Variants in CEP350 observed in about 807,000 individuals in gnomAD.
The protein encoded by CEP350 is centrosomal protein 350, also known as centrosome-associated protein 350.
Under a neutral mutation model 331.8 loss-of-function variants are expected in CEP350, and 126 were observed. That is an observed-to-expected ratio of 0.38 (90% CI 0.33 to 0.44). The LOEUF (loss-of-function observed/expected upper bound fraction) is 0.44. Ranked by LOEUF, CEP350 falls within the 20% of genes least tolerant of loss-of-function variation. CEP350 has a pLI of 1.00. For synonymous variants in CEP350, 1,200 were observed against 1,259.5 expected (o/e 0.95, Z 1.00); for missense variants, 3,406 against 3,634.6 (o/e 0.94, Z 1.62).
chr1:180,084,699 CA>C (rs1659758126), intron 31 of CEP350, among the ~76,000 whole-genome samples: 1 of 152,000 alleles, frequency 6.6e-6, no homozygotes. Flanking sequence ...ATTAAAATAA[CA>C]AGTATTAAAT....
intron 5 of CEP350, among the ~76,000 whole-genome samples, chr1:179,994,381 C>T (rs987103868): frequency 1.3e-5 from 2 of 151,656 alleles, no homozygotes; most frequent in South Asian, 4.2e-4. Context: ...CATTTAGCCT[C>T]GGTCTCTGAT....
chr1:179,968,778 T>C (rs1651208751), intron 1 of CEP350: 1 of 663,296 alleles, frequency 1.5e-6, no homozygotes, highest in Non-Finnish European at 2.8e-6. Context: ...GGAAAAGTAA[T>C]GGCATCTACA....
chr1:179,981,713 A>G (rs1430273717), intron 1 of CEP350, among the ~76,000 whole-genome samples: 5 of 152,196 alleles, frequency 3.3e-5, no homozygotes, highest in African/African-American at 9.6e-5. Flanking sequence ...TAAAACTATA[A>G]TTATAGGCTG....
In CEP350 at chr1:180,022,867, A is replaced by G. The variant is rs1269811397; in HGVS notation, c.3386+19A>G. ...AACCTCAGTAAGATATATTGGCAAT[A>G]TGGAATAAACTCTGAAGAGTGAGAA... On this transcript the variant is annotated intron_variant, in intron 13 of 37. Coordinates refer to ENST00000367607, the MANE Select transcript of CEP350 (RefSeq NM_014810.5). 1.9e-6 allele frequency: 3 copies of G among 1,562,224 alleles called. No individual in the cohort carries two copies. The South Asian group carries it at 3.5e-5, about 18-fold the overall frequency.
intron 32 of CEP350, among the ~76,000 whole-genome samples, chr1:180,090,180 G>A (rs1005641740): frequency 6.6e-6 from 1 of 152,170 alleles, no homozygotes; most frequent in African/African-American, 2.4e-5. Flanking sequence ...TAAAGTTCAT[G>A]CCTGTTGGCC....
chr1:179,995,688 C>T (rs1653412547), intron 5 of CEP350, among the ~76,000 whole-genome samples: 1 of 152,082 alleles, frequency 6.6e-6, no homozygotes, highest in African/African-American at 2.4e-5. Flanking sequence ...AAGATTTTTG[C>T]TAGTGTTTCT....
intron 8 of CEP350, among the ~76,000 whole-genome samples, chr1:180,010,836 C>T (rs1654604139): frequency 6.6e-6 from 1 of 152,078 alleles, no homozygotes; most frequent in African/African-American, 2.4e-5. Context: ...ATTCAAACTC[C>T]TGACCCCAAG....
chr1:179,990,150 C>T (rs1652945434), intron 3 of CEP350, among the ~76,000 whole-genome samples: 1 of 151,682 alleles, frequency 6.6e-6, no homozygotes, highest in Non-Finnish European at 1.5e-5. Context: ...CACGCCACTG[C>T]ACTCCAGCCT....
intron 21 of CEP350, among the ~76,000 whole-genome samples, chr1:180,044,757 A>G (rs1484119085): frequency 6.6e-6 from 1 of 151,570 alleles, no homozygotes; most frequent in African/African-American, 2.4e-5. Flanking sequence ...CAGCACACCA[A>G]CATGGCACAT....
chr1:179,979,086 G>T (rs1232376078), intron 1 of CEP350, among the ~76,000 whole-genome samples: 2 of 152,144 alleles, frequency 1.3e-5, no homozygotes, highest in Non-Finnish European at 1.5e-5. Flanking sequence ...TAAATATGCA[G>T]TAGTGGGATT....
chr1:180,014,757 C>CT (rs771950884), intron 10 of CEP350, among the ~76,000 whole-genome samples: 4 of 152,144 alleles, frequency 2.6e-5, no homozygotes, highest in Non-Finnish European at 5.9e-5. Context: ...AGTTACATCC[C>CT]TGCATAGTTT....
chr1:179,992,165 G>A lies in CEP350; in HGVS notation c.339G>A (p.Glu113=). 2 of 1,526,662 alleles carry A rather than the reference G, an allele frequency of 1.3e-6. No individual in the cohort carries two copies. Among genetic ancestry groups the A allele is most frequent in the Non-Finnish European group, 1.8e-6 (2 of 1,142,444 alleles). The allele number at this position is 1,526,662 out of a possible 1,614,324, so 94.6% of individuals were successfully genotyped here. ...GTCCTCTCAGGGCCACCACCCTGGA[G>A]AGTAATGTGAAGAAAAATAATCGTG... ...SRSPLRATTL[E]SNVKKNNRVE... Residue 113 remains glutamate (E), a synonymous_variant, in exon 5 of 38, where the codon GAG becomes GAA. Coordinates refer to ENST00000367607, the MANE Select transcript of CEP350 (RefSeq NM_014810.5).
intron 1 of CEP350, among the ~76,000 whole-genome samples, chr1:179,985,742 G>A (rs1384616874): frequency 7.4e-6 from 1 of 134,590 alleles, no homozygotes; most frequent in Non-Finnish European, 1.7e-5. Context: ...TTATTATCAT[G>A]AGAACAGCAT....
At position 180,093,727 on chromosome 1, in the gene CEP350, C is replaced by T. The variant is rs769226056; in HGVS notation, c.7622C>T (p.Thr2541Ile). 11 of 1,613,750 alleles carry T rather than the reference C, an allele frequency of 6.8e-6. No homozygotes were observed. The highest frequency in any genetic ancestry group is 4.4e-5 in the South Asian group (4 of 91,074). Residue 2541 changes from threonine (T) to isoleucine (I), a missense_variant, in exon 34 of 38, where the codon ACA (threonine) becomes ATA (isoleucine). By Grantham distance (89) the Thr-to-Ile change is moderately conservative. Around this residue, in one of 5 missense-constraint regions of CEP350, gnomAD observed 1,415 missense variants for 1,512.3 expected, o/e 0.94. Transcript: ENST00000367607. ...AAACCTGAAGGAAATAACAATGGAA[C>T]ATATGATGGTATTGCATATTTTGAG... ...LDKPEGNNNG[T>I]YDGIAYFECK...
chr1:180,047,589 T>C (rs542720608), intron 21 of CEP350, among the ~76,000 whole-genome samples: 25 of 151,168 alleles, frequency 1.7e-4, no homozygotes, highest in African/African-American at 6.1e-4. Flanking sequence ...AAGCCCCATC[T>C]CTACTAAAAA....
At chr1:179,968,029 A>G (rs1414712459) in intron 1 of CEP350, among the ~76,000 whole-genome samples, 1 of 152,172 alleles carries the variant, frequency 6.6e-6, no homozygotes, top group East Asian at 1.9e-4. Flanking sequence ...TGCGTGAACT[A>G]GGGATATAAA....
intron 1 of CEP350, among the ~76,000 whole-genome samples, chr1:179,955,727 T>C (rs1460575362): frequency 1.3e-5 from 2 of 152,278 alleles, no homozygotes; most frequent in Admixed American, 1.3e-4. Flanking sequence ...TTAGCTAATG[T>C]CACAAGATAT....
intron 8 of CEP350, among the ~76,000 whole-genome samples, chr1:180,008,704 G>T (rs549455124): frequency 1.3e-5 from 2 of 152,278 alleles, no homozygotes; most frequent in South Asian, 4.1e-4. Flanking sequence ...GATGCATCTA[G>T]CCCCTGCCTT....
intron 17 of CEP350, 148 bp from the exon 18 acceptor site, chr1:180,040,990 G>T: frequency 1.7e-6 from 1 of 594,660 alleles, no homozygotes; most frequent in Non-Finnish European, 2.9e-6. Flanking sequence ...GTAAGTGGCT[G>T]TTGACTATTA....
Sources: gnomAD v4.1 joint callset for allele counts (sites outside exome capture counted in the v4.1 genomes callset) on GRCh38, gnomAD v4.1.1 for gene constraint, gnomAD v4.1.1 regional missense constraint, MANE v1.5 for transcripts, NCBI Gene and HGNC (gene_info 2026-07-23, HGNC 2026-07-21) for gene names.